NAA11: variants seen among roughly 807,000 people sequenced by gnomAD.
NAA11 encodes N-alpha-acetyltransferase 11.
Under a neutral mutation model 16.1 loss-of-function variants are expected in NAA11, and 15 were observed. That is an observed-to-expected ratio of 0.93 (90% CI 0.62 to 1.44). NAA11 has a LOEUF of 1.44. Ranked by LOEUF, NAA11 falls within the 40% of genes most tolerant of loss-of-function variation. The pLI is 0.00. For missense variants in NAA11, 298 were observed against 291.3 expected, an observed-to-expected ratio of 1.02 and a Z score of -0.17; for synonymous variants, 122 against 112.4, an observed-to-expected ratio of 1.09 and a Z score of -0.54.
intron 1 of NAA11, among the ~76,000 whole-genome samples, chr4:79,301,697 G>T (rs1380556358): frequency 6.6e-6 from 1 of 152,104 alleles, no homozygotes; most frequent in Admixed American, 6.6e-5. Context: ...TCCAGCATGG[G>T]GACCAGCAAG....
intron 2 of NAA11, among the ~76,000 whole-genome samples, chr4:79,261,439 G>C (rs1369725747): frequency 6.6e-6 from 1 of 151,996 alleles, no homozygotes; most frequent in South Asian, 2.1e-4. Flanking sequence ...TAAAGAATAG[G>C]GTCTAAGAAT....
intron 2 of NAA11, among the ~76,000 whole-genome samples, chr4:79,290,143 A>G (rs1578180921): frequency 6.6e-6 from 1 of 152,332 alleles, no homozygotes; most frequent in East Asian, 1.9e-4. Flanking sequence ...GGGTCTCTCC[A>G]GGAAGGTTTC....
intron 2 of NAA11, among the ~76,000 whole-genome samples, chr4:79,242,099 G>C (rs1209367594): frequency 6.6e-6 from 1 of 152,192 alleles, no homozygotes; most frequent in Non-Finnish European, 1.5e-5. Flanking sequence ...GAGGCATCTA[G>C]TAGTACTCAT....
chr4:79,284,719 A>G lies in NAA11; in HGVS notation c.*122+9286T>C, dbSNP rs1233732721. ...CCCCGTCTCTACTAAAAATACAAAA[A>G]AAATTAGCCGGGCGCGGTGGCGGGC... On this transcript the variant is annotated intron_variant and NMD_transcript_variant, in intron 2 of 2. Transcript: ENST00000511542. Among the ~76,000 whole-genome samples, 3 of 76,754 alleles carry G rather than the reference A, an allele frequency of 3.9e-5. 1 individual carries two copies. Among genetic ancestry groups the G allele is most frequent in the Non-Finnish European group, 7.2e-5 (3 of 41,630 alleles). 50.4% of individuals were successfully genotyped at this position (76,754 alleles called of 152,430 possible). A position where few individuals can be genotyped will look rare whatever the true frequency, so the allele number is the denominator to read the frequency against.
chr4:79,230,313 T>C lies in NAA11; in HGVS notation c.*123-4043A>G, dbSNP rs374193140. Among the ~76,000 whole-genome samples, 620 of 151,930 alleles carry C rather than the reference T, an allele frequency of 4.1e-3. 6 individuals carry two copies. Among genetic ancestry groups the C allele is most frequent in the African/African-American group, 0.014 (588 of 41,478 alleles). On this transcript the variant is annotated intron_variant and NMD_transcript_variant, in intron 2 of 2. Transcript: ENST00000511542. ...AGGGGAGGGATAGCATTGGGAGATA[T>C]ACCTAATGCTAGATGACGAGTTAGT...
At chr4:79,212,053 A>T in the NAA11 span, among the ~76,000 whole-genome samples, 2 of 152,208 alleles carry the variant, frequency 1.3e-5, no homozygotes, top group Admixed American at 6.5e-5. Flanking sequence ...GCTATGTTAA[A>T]CACTGGGAGC....
the NAA11 span, among the ~76,000 whole-genome samples, chr4:79,211,427 A>G: frequency 2.0e-5 from 3 of 152,202 alleles, no homozygotes; most frequent in Non-Finnish European, 4.4e-5. Context: ...TATACCGTGT[A>G]TATATACATA....
At chr4:79,247,263 G>A (rs925681157) in intron 2 of NAA11, among the ~76,000 whole-genome samples, 7 of 152,116 alleles carry the variant, frequency 4.6e-5, no homozygotes, top group African/African-American at 1.4e-4. Flanking sequence ...ATACGAGAAA[G>A]GTGATTACTA....
downstream of NAA11, among the ~76,000 whole-genome samples, chr4:79,220,767 G>C (rs945213687): frequency 6.6e-6 from 1 of 152,032 alleles, no homozygotes; most frequent in African/African-American, 2.4e-5. Flanking sequence ...TGCTGTTTTG[G>C]TTACTGTAGC....
At chr4:79,213,196 A>G in the NAA11 span, among the ~76,000 whole-genome samples, 5 of 152,214 alleles carry the variant, frequency 3.3e-5, no homozygotes, top group South Asian at 1.0e-3. Flanking sequence ...TGACAACTGT[A>G]TTCATGGGAC....
chr4:79,322,412 TTCTTTTACTACAG>T (rs1724120460), intron 1 of NAA11, among the ~76,000 whole-genome samples: 1 of 152,226 alleles, frequency 6.6e-6, no homozygotes, highest in African/African-American at 2.4e-5. Context: ...TATTTCTCTC[TTCTTTTACTACAG>T]TGGCAGTTAT....
At chr4:79,167,286 G>GAC in the NAA11 span, among the ~76,000 whole-genome samples, 1 of 143,642 alleles carries the variant, frequency 7.0e-6, no homozygotes, top group Non-Finnish European at 1.5e-5. Flanking sequence ...GAGAGAGAGA[G>GAC]AGAGAGAGAG....
the NAA11 span, among the ~76,000 whole-genome samples, chr4:79,206,875 T>G: frequency 6.6e-6 from 1 of 152,112 alleles, no homozygotes; most frequent in African/African-American, 2.4e-5. Flanking sequence ...AAAAATTAAA[T>G]TTACGTTCAA....
At chr4:79,267,209 A>T (rs1722374088) in intron 2 of NAA11, among the ~76,000 whole-genome samples, 1 of 152,202 alleles carries the variant, frequency 6.6e-6, no homozygotes. Context: ...GTCTTCAAAA[A>T]GATGTGAGTT....
the NAA11 span, among the ~76,000 whole-genome samples, chr4:79,163,962 C>A: frequency 6.6e-6 from 1 of 152,024 alleles, no homozygotes; most frequent in Non-Finnish European, 1.5e-5. Context: ...GGCTATGGTT[C>A]CTGAACACCA....
the NAA11 span, among the ~76,000 whole-genome samples, chr4:79,164,829 A>G: frequency 6.6e-6 from 1 of 152,200 alleles, no homozygotes; most frequent in Admixed American, 6.5e-5. Flanking sequence ...GACAGCAGAA[A>G]GATTAGCAAT....
In NAA11 at chr4:79,325,309, T is replaced by C. The variant is rs1277679350; in HGVS notation, c.569A>G (p.Glu190Gly). The part of the protein sequence containing the change: ...TQGSTLSDSE[E>G]ACQQKNPATE... ...AGCCGGGTTCTTTTGCTGACAGGCC[T>C]CTTCAGAATCAGAAAGTGTGCTGCC... Residue 190 changes from glutamate (E) to glycine (G), a missense_variant, in exon 1 of 2, where the codon GAG becomes GGG. Transcript: ENST00000286794. The C allele has an allele frequency of 6.2e-7, 1 of 1,613,944 alleles. No homozygotes were observed. Among genetic ancestry groups the C allele is most frequent in the Non-Finnish European group, 8.5e-7 (1 of 1,179,866 alleles).
chr4:79,243,892 CTCTTTCCCATGAT>C (rs1414257196), intron 2 of NAA11, among the ~76,000 whole-genome samples: 2 of 152,186 alleles, frequency 1.3e-5, no homozygotes, highest in East Asian at 3.9e-4. Context: ...ATGGGCTGGC[CTCTTTCCCATGAT>C]TCTTCCCTTA....
At chr4:79,283,130 G>A (rs1309483889) in intron 2 of NAA11, among the ~76,000 whole-genome samples, 2 of 152,070 alleles carry the variant, frequency 1.3e-5, no homozygotes, top group African/African-American at 4.8e-5. Flanking sequence ...TCAGTGGAAG[G>A]TGAGGCAGAA....
Sources: gnomAD v4.1 joint callset for allele counts (sites outside exome capture counted in the v4.1 genomes callset) on GRCh38, gnomAD v4.1.1 for gene constraint, MANE v1.5 for transcripts, NCBI Gene and HGNC (gene_info 2026-07-23, HGNC 2026-07-21) for gene names.